Variants in PTPRJ observed in about 807,000 individuals in gnomAD.
The protein encoded by PTPRJ is protein tyrosine phosphatase receptor type J.
Under a neutral mutation model 141.3 loss-of-function variants are expected in PTPRJ, and 129 were observed. That is an observed-to-expected ratio of 0.91 (90% confidence interval 0.79 to 1.06). The LOEUF is 1.06. PTPRJ is among the 50% of genes least tolerant of loss of function. The pLI is 0.00. For missense variants in PTPRJ, 1,601 were observed against 1,679.7 expected, an observed-to-expected ratio of 0.95 and a Z score of 0.82; for synonymous variants, 610 against 640.5, an observed-to-expected ratio of 0.95 and a Z score of 0.72.
chr11:48,159,895 C>T (rs376659662), intron 21 of PTPRJ, 35 bp from the exon 22 acceptor site: 13 of 1,611,948 alleles, frequency 8.1e-6, no homozygotes, highest in Admixed American at 6.7e-5. Context: ...ATGGCATGAT[C>T]TGAGTCTTCT....
intron 1 of PTPRJ, among the ~76,000 whole-genome samples, chr11:48,005,245 C>T (rs1045070245): frequency 2.6e-5 from 4 of 151,756 alleles, no homozygotes; most frequent in African/African-American, 9.7e-5. Flanking sequence ...GCATACAGTT[C>T]AGTTGTTTTT....
chr11:48,169,569 G>C lies in PTPRJ; in HGVS notation c.*2207G>C, dbSNP rs1370049727. 1 of 152,194 alleles carries C rather than the reference G, an allele frequency of 6.6e-6. No individual in the cohort carries two copies. Among genetic ancestry groups the C allele is most frequent in the Non-Finnish European group, 1.5e-5 (1 of 68,108 alleles). 9.4% of individuals were successfully genotyped at this position (152,194 alleles called of 1,614,324 possible). On this transcript the variant is annotated 3_prime_UTR_variant, in exon 25 of 25. Transcript: ENST00000418331. Reference sequence around the variant, plus strand: ...TTCAGGCAGCAGTTCTGTGGGCTGTGGCCCTCTCCCCTCCAATATGTCCGA... The same window carrying C: ...TTCAGGCAGCAGTTCTGTGGGCTGTCGCCCTCTCCCCTCCAATATGTCCGA...
At chr11:48,150,801 A>G (rs752400327) in intron 18 of PTPRJ, among the ~76,000 whole-genome samples, 10 of 152,096 alleles carry the variant, frequency 6.6e-5, no homozygotes, top group Non-Finnish European at 1.5e-4. Context: ...GTGACCATGC[A>G]CACTCGTCCT....
At chr11:48,161,983 G>A (rs966258946) in intron 22 of PTPRJ, among the ~76,000 whole-genome samples, 1 of 152,052 alleles carries the variant, frequency 6.6e-6, no homozygotes, top group Non-Finnish European at 1.5e-5. Context: ...TCCACTGCTT[G>A]GGGCTTACCT....
intron 14 of PTPRJ, among the ~76,000 whole-genome samples, chr11:48,146,042 T>C (rs1857343101): frequency 6.6e-6 from 1 of 152,162 alleles, no homozygotes; most frequent in African/African-American, 2.4e-5. Context: ...GGTCTTGCTA[T>C]GTTGCCCAGG....
At position 48,113,784 on chromosome 11, in the gene PTPRJ, C is replaced by T. The variant is rs564490066; in HGVS notation, c.352+801C>T. On this transcript the variant is annotated intron_variant, in intron 3 of 24. Transcript: ENST00000418331. ...ATTTGGGATGACACTGTCACTCTTACAGCTAATGGAATGTATGCTTTCATA... is the reference window on the plus strand; with the variant it reads ...ATTTGGGATGACACTGTCACTCTTATAGCTAATGGAATGTATGCTTTCATA... 2.4e-4 allele frequency among the ~76,000 whole-genome samples: 36 copies of T among 152,292 alleles called. No homozygotes were observed. The South Asian group carries it at 6.2e-3, about 26-fold the overall frequency.
At chr11:48,154,730 C>T (rs1857560416) in intron 19 of PTPRJ, among the ~76,000 whole-genome samples, 1 of 152,174 alleles carries the variant, frequency 6.6e-6, no homozygotes, top group Non-Finnish European at 1.5e-5. Flanking sequence ...TTCTTGGGTT[C>T]TTTCTCTCCA....
At chr11:48,146,627 T>C (rs1257056184) in intron 14 of PTPRJ, among the ~76,000 whole-genome samples, 1 of 152,164 alleles carries the variant, frequency 6.6e-6, no homozygotes, top group African/African-American at 2.4e-5. Flanking sequence ...ACAGTAACTT[T>C]CTCAAGACCA....
intron 1 of PTPRJ, among the ~76,000 whole-genome samples, chr11:48,095,905 CT>C (rs1855991905): frequency 5.3e-5 from 8 of 152,150 alleles, no homozygotes; most frequent in Admixed American, 5.2e-4. Context: ...TGTGCAAGAG[CT>C]TGCAGAAGTT....
intron 1 of PTPRJ, among the ~76,000 whole-genome samples, chr11:48,061,533 A>G (rs937056650): frequency 6.6e-6 from 1 of 152,216 alleles, no homozygotes; most frequent in Non-Finnish European, 1.5e-5. Context: ...GGGAGATACT[A>G]TCATGATCTC....
At chr11:48,051,875 C>G (rs1590441930) in intron 1 of PTPRJ, among the ~76,000 whole-genome samples, 1 of 152,158 alleles carries the variant, frequency 6.6e-6, no homozygotes, top group East Asian at 1.9e-4. Context: ...TTTGCTAAGC[C>G]TCAGGTTTCT....
rs773512889 is a variant in PTPRJ at position 48,143,068 on chromosome 11, T to C, written c.2575+18T>C. 112 of 1,613,602 alleles carry C rather than the reference T, an allele frequency of 6.9e-5. No individual in the cohort carries two copies. The highest frequency in any genetic ancestry group is 8.5e-5 in the Non-Finnish European group (100 of 1,179,842). On this transcript the variant is annotated intron_variant, in intron 12 of 24. Coordinates refer to ENST00000418331, the MANE Select transcript of PTPRJ (RefSeq NM_002843.4). ...CGGGGAAGGTAAGGAGAGGCCTCCGTGGGTTAAACAGCCCATGAGTGATGC... is the reference window on the plus strand; with the variant it reads ...CGGGGAAGGTAAGGAGAGGCCTCCGCGGGTTAAACAGCCCATGAGTGATGC...
chr11:48,152,646 G>A (rs569058716), intron 18 of PTPRJ, among the ~76,000 whole-genome samples: 1 of 152,236 alleles, frequency 6.6e-6, no homozygotes, highest in Non-Finnish European at 1.5e-5. Flanking sequence ...TCTACATATG[G>A]CTAGCCAGTT....
At chr11:48,044,224 G>T (rs1460342798) in intron 1 of PTPRJ, among the ~76,000 whole-genome samples, 6 of 152,186 alleles carry the variant, frequency 3.9e-5, no homozygotes, top group Admixed American at 3.9e-4. Context: ...GTTTTGAGGC[G>T]TATGTGCTTC....
intron 1 of PTPRJ, among the ~76,000 whole-genome samples, chr11:48,091,969 T>A (rs975993618): frequency 3.3e-5 from 5 of 152,122 alleles, no homozygotes; most frequent in Non-Finnish European, 7.4e-5. Flanking sequence ...ACATGAATTG[T>A]TATTTCTGGA....
chr11:48,066,610 G>A (rs949596391), intron 1 of PTPRJ, among the ~76,000 whole-genome samples: 31 of 149,922 alleles, frequency 2.1e-4, no homozygotes, highest in Admixed American at 6.7e-5. Context: ...TATTGAGACT[G>A]AGTCTCGCTG....
At chr11:48,078,510 A>G (rs1188875697) in intron 1 of PTPRJ, among the ~76,000 whole-genome samples, 3 of 152,154 alleles carry the variant, frequency 2.0e-5, no homozygotes, top group Non-Finnish European at 4.4e-5. Flanking sequence ...GAGGAATGAG[A>G]TGATTAAAGT....
intron 1 of PTPRJ, among the ~76,000 whole-genome samples, chr11:48,085,688 G>T (rs2134291111): frequency 6.6e-6 from 1 of 152,206 alleles, no homozygotes; most frequent in Non-Finnish European, 1.5e-5. Context: ...AGCTCTTTGG[G>T]GTCCTCAATA....
chr11:48,157,763 G>A (rs1359185153), intron 21 of PTPRJ, among the ~76,000 whole-genome samples: 1 of 152,204 alleles, frequency 6.6e-6, no homozygotes, highest in Non-Finnish European at 1.5e-5. Flanking sequence ...AAGAGATGAC[G>A]CCCATCCTCA....
Sources: allele counts gnomAD v4.1 joint callset (sites outside exome capture counted in the v4.1 genomes callset), GRCh38; gene constraint gnomAD v4.1.1; transcripts MANE v1.5; gene names NCBI Gene and HGNC (gene_info 2026-07-23, HGNC 2026-07-21).